Variants in PAAF1 observed in about 807,000 individuals in gnomAD.
The protein encoded by PAAF1 is proteasomal ATPase-associated factor 1.
In PAAF1, 46 loss-of-function variants were observed where a neutral mutation model predicts 52.8. That is an observed-to-expected ratio of 0.87 (90% CI 0.69 to 1.11). The LOEUF is 1.11. Among genes scored for constraint, PAAF1 ranks in the 50% most tolerant of loss-of-function variants. The pLI, the probability that PAAF1 is intolerant of heterozygous loss-of-function variation, is 0.00. For missense variants in PAAF1, 424 were observed against 477.4 expected (o/e 0.89, Z 1.04); for synonymous variants, 178 against 172.8 (o/e 1.03, Z -0.24).
chr11:73,918,884 G>A (rs1387653885), intron 9 of PAAF1, 66 bp from the exon 10 acceptor site: 1 of 1,184,268 alleles, frequency 8.4e-7, no homozygotes, highest in Non-Finnish European at 1.3e-6. Flanking sequence ...AGTACTATAT[G>A]TTGAATATAG....
intron 5 of PAAF1, 109 bp downstream of exon 5, chr11:73,899,353 T>G: frequency 1.5e-6 from 1 of 673,998 alleles, no homozygotes; most frequent in Non-Finnish European, 2.6e-6. Context: ...GTGGGACCAC[T>G]CTGCATGTCA....
At chr11:73,910,607 T>G (rs1949901918) in intron 7 of PAAF1, among the ~76,000 whole-genome samples, 2 of 152,296 alleles carry the variant, frequency 1.3e-5, no homozygotes, top group South Asian at 4.1e-4. Flanking sequence ...CATAGGACAA[T>G]GTTTTTTCTA....
Position 73,908,961 on chromosome 11 carries a change from A to G in PAAF1, c.533-438A>G, listed in dbSNP as rs181414634. ...GTGTCACCACGCCTGGCTATTTTGT[A>G]TTTTTAGTAAAGACAGGGTTTCATC... On this transcript the variant is annotated intron_variant, in intron 6 of 11. Coordinates refer to ENST00000310571, the MANE Select transcript of PAAF1 (RefSeq NM_025155.3). Among the ~76,000 whole-genome samples the G allele has an allele frequency of 1.9e-3, 282 of 151,614 alleles. 7 individuals carry two copies. Among genetic ancestry groups the G allele is most frequent in the Admixed American group, 0.017 (258 of 15,192 alleles).
chr11:73,908,411 G>A (rs543377706), intron 6 of PAAF1, among the ~76,000 whole-genome samples: 3 of 122,202 alleles, frequency 2.5e-5, no homozygotes, highest in African/African-American at 6.7e-5. Context: ...GTATATATAT[G>A]TGTGTATATA....
At chr11:73,897,118 C>T (rs1266609814) in intron 4 of PAAF1, among the ~76,000 whole-genome samples, 3 of 145,272 alleles carry the variant, frequency 2.1e-5, no homozygotes, top group Non-Finnish European at 3.1e-5. Context: ...TCCTCACTTC[C>T]CAGTAGGGGC....
At chr11:73,921,724 C>T (rs1051180138) in intron 10 of PAAF1, 44 of 1,059,746 alleles carry the variant, frequency 4.2e-5, no homozygotes, top group Non-Finnish European at 6.1e-5. Flanking sequence ...CCACTTGCAG[C>T]GTTTATCATT....
At chr11:73,898,396 TG>T (rs1382379532) in intron 4 of PAAF1, among the ~76,000 whole-genome samples, 2 of 152,188 alleles carry the variant, frequency 1.3e-5, no homozygotes, top group African/African-American at 2.4e-5. Context: ...TAAAATTTTT[TG>T]TAGAGATGGA....
At chr11:73,924,004 T>TACACACACAC (rs113973014) in intron 10 of PAAF1, among the ~76,000 whole-genome samples, 77 of 149,866 alleles carry the variant, frequency 5.1e-4, no homozygotes, top group African/African-American at 1.4e-3. Context: ...AGTTTATAAA[T>TACACACACAC]ACACACACAC....
intron 4 of PAAF1, among the ~76,000 whole-genome samples, chr11:73,895,142 G>A (rs1949310633): frequency 6.6e-6 from 1 of 152,154 alleles, no homozygotes; most frequent in African/African-American, 2.4e-5. Flanking sequence ...GATCTTACAT[G>A]CTAGAGATGT....
At chr11:73,893,763 A>G (rs1305977397) in intron 4 of PAAF1, among the ~76,000 whole-genome samples, 1 of 139,508 alleles carries the variant, frequency 7.2e-6, no homozygotes, top group African/African-American at 2.7e-5. Flanking sequence ...AAAAAAAAAG[A>G]AAGAAAAAAC....
chr11:73,884,112 A>T (rs188722777), intron 2 of PAAF1, among the ~76,000 whole-genome samples: 208 of 152,218 alleles, frequency 1.4e-3, no homozygotes, highest in African/African-American at 4.8e-3. Context: ...AGCAGCCTGC[A>T]TGTAGGAATG....
intron 4 of PAAF1, among the ~76,000 whole-genome samples, chr11:73,894,493 G>A (rs1224679739): frequency 6.6e-6 from 1 of 151,970 alleles, no homozygotes; most frequent in Non-Finnish European, 1.5e-5. Flanking sequence ...TATAAAAATC[G>A]GAGGGAAGGG....
chr11:73,899,328 G>A, intron 5 of PAAF1, 84 bp downstream of exon 5: 2 of 956,040 alleles, frequency 2.1e-6, no homozygotes, highest in Non-Finnish European at 3.3e-6. Context: ...AGGAAGAATG[G>A]CCCATTCTAA....
intron 6 of PAAF1, among the ~76,000 whole-genome samples, chr11:73,908,690 C>T (rs989593881): frequency 6.6e-6 from 1 of 152,140 alleles, no homozygotes; most frequent in African/African-American, 2.4e-5. Flanking sequence ...TGTACCACTG[C>T]ACCTGGCCAA....
At chr11:73,916,897 C>T (rs1007993613) in intron 9 of PAAF1, among the ~76,000 whole-genome samples, 6 of 152,082 alleles carry the variant, frequency 3.9e-5, no homozygotes, top group Non-Finnish European at 2.9e-5. Context: ...GAAAATTAAG[C>T]TTAAATATAA....
rs527850540 is a variant in PAAF1, at chr11:73,911,758, C to T, written c.727+2165C>T. ...GAGTGATTCTTGTGCCTCAGCCTCC[C>T]GAGTAGCTGGGATTACGGGTGCCCA... On this transcript the variant is annotated intron_variant, in intron 7 of 11. Coordinates refer to ENST00000310571, the MANE Select transcript of PAAF1 (RefSeq NM_025155.3). Among the ~76,000 whole-genome samples, 117 of 151,942 alleles carry T rather than the reference C, an allele frequency of 7.7e-4. 1 individual carries two copies. The highest frequency in any genetic ancestry group is 2.6e-3 in the African/African-American group (107 of 41,430).
In PAAF1 at chr11:73,878,692, G is replaced by T; in HGVS notation, c.48-87G>T. ...TCTAAGTACTATGACCAAGCTGGAG[G>T]TTACATGACCTTCTTTCTTCCCTTG... is the stretch of plus-strand genomic sequence containing the variant. On this transcript the variant is annotated intron_variant, in intron 1 of 11. Coordinates refer to ENST00000310571, the MANE Select transcript of PAAF1 (RefSeq NM_025155.3). 1.5e-5 allele frequency: 18 copies of T among 1,219,794 alleles called. No individual in the cohort carries two copies. The South Asian group carries it at 2.2e-4, about 15-fold the overall frequency. The allele number at this position is 1,219,794 out of a possible 1,614,324, so 75.6% of individuals were successfully genotyped here.
intron 6 of PAAF1, 85 bp from the exon 7 acceptor site, chr11:73,909,314 G>A: frequency 8.2e-7 from 1 of 1,223,394 alleles, no homozygotes; most frequent in South Asian, 1.4e-5. Flanking sequence ...TGAAGGGATG[G>A]AGTCATTTAT....
rs1591053650 is a variant in PAAF1 at position 73,889,338 on chromosome 11, G to A, written c.193-1774G>A. 4.0e-6 allele frequency: 3 copies of A among 756,166 alleles called. No homozygotes were observed. In the East Asian group the frequency reaches 9.5e-5, roughly 24 times the overall value. The allele number at this position is 756,166 out of a possible 1,614,324, so 46.8% of individuals were successfully genotyped here. A position where few individuals can be genotyped will look rare whatever the true frequency, so the allele number is the denominator to read the frequency against. On this transcript the variant is annotated intron_variant, in intron 3 of 11. Coordinates refer to ENST00000310571, the MANE Select transcript of PAAF1 (RefSeq NM_025155.3). ...TGCTACATTGTTCTCTTAAACAGTA[G>A]ATCTGTCATTATGCTTAAATGTCTA... is the stretch of plus-strand genomic sequence containing the variant.
Sources: allele counts gnomAD v4.1 joint callset (sites outside exome capture counted in the v4.1 genomes callset), GRCh38; gene constraint gnomAD v4.1.1; transcripts MANE v1.5; gene names NCBI Gene and HGNC (gene_info 2026-07-23, HGNC 2026-07-21).